The following TMEM86A variants were observed in gnomAD, a reference collection of about 807,000 sequenced individuals.
TMEM86A encodes the protein lysoplasmalogenase TMEM86A.
Under a neutral mutation model 19.8 loss-of-function variants are expected in TMEM86A, and 13 were observed. The observed-to-expected ratio is 0.66, with a 90% CI of 0.43 to 1.04. TMEM86A has a LOEUF of 1.04. TMEM86A is among the 50% of genes least tolerant of loss of function. The probability of loss-of-function intolerance (pLI) is 0.00; values close to 1 mark genes in which losing one functional copy is unlikely to be tolerated. For synonymous variants in TMEM86A, 128 were observed against 129.9 expected (o/e 0.99, Z 0.10); for missense variants, 248 against 306.8 (o/e 0.81, Z 1.43).
rs556084814 is a variant in TMEM86A at position 18,701,449 on chromosome 11, C to G, written c.287-124C>G. 1.7e-6 allele frequency: 2 copies of G among 1,190,552 alleles called. No homozygotes were observed. Among genetic ancestry groups the G allele is most frequent in the East Asian group, 4.8e-5 (2 of 42,090 alleles). 73.7% of individuals were successfully genotyped at this position (1,190,552 alleles called of 1,614,324 possible). On this transcript the variant is annotated intron_variant, in intron 2 of 2. Coordinates refer to ENST00000280734, the MANE Select transcript of TMEM86A (RefSeq NM_153347.3). This position sits in a 1 kb window ranked among gnomAD's most constrained non-coding sequence, Gnocchi z 5.3. The stretch of plus-strand genomic sequence containing the variant: ...TTAGATCTTCCTACCCCTGTTATCC[C>G]AAAGCAAAGCTGCTGGGTTATCCCA...
At chr11:18,700,794 C>G (rs1171193383) in intron 1 of TMEM86A, 139 bp from the exon 2 acceptor site, 24 of 1,255,140 alleles carry the variant, frequency 1.9e-5, no homozygotes, top group African/African-American at 6.0e-5. Flanking sequence ...CTGGGTTTCT[C>G]TGTGTCAGTC....
At chr11:18,700,902 C>T in intron 1 of TMEM86A, 31 bp from the exon 2 acceptor site, 10 of 1,608,834 alleles carry the variant, frequency 6.2e-6, no homozygotes, top group Non-Finnish European at 8.5e-6. Flanking sequence ...CCCCCAAGTT[C>T]TGAGTGCTGC....
rs905281100 is a variant in TMEM86A at position 18,702,248 on chromosome 11, A to G, written c.*239A>G. 3.6e-6 allele frequency: 2 copies of G among 561,304 alleles called. No homozygotes were observed. The highest frequency in any genetic ancestry group is 3.1e-5 in the Admixed American group (1 of 32,694). The allele number at this position is 561,304 out of a possible 1,614,324, so 34.8% of individuals were successfully genotyped here. A position where few individuals can be genotyped will look rare whatever the true frequency, so the allele number is the denominator to read the frequency against. On this transcript the variant is annotated 3_prime_UTR_variant, in exon 3 of 3. Transcript: ENST00000280734. ...TATCAGACTGGAGCCAGAAGTAGAC[A>G]TCTCCCCACCTCTACCCTATCAGGA...
In TMEM86A at chr11:18,698,879, C is replaced by A; in HGVS notation, c.-8C>A. On this transcript the variant is annotated 5_prime_UTR_variant, in exon 1 of 3. Coordinates refer to ENST00000280734, the MANE Select transcript of TMEM86A (RefSeq NM_153347.3). ...CGGAGCAGGGTGCCAGCCGCCGCCGCCGCCGCCATGGTGTCCCCGGTCACT... is the reference window on the plus strand; with the variant it reads ...CGGAGCAGGGTGCCAGCCGCCGCCGACGCCGCCATGGTGTCCCCGGTCACT... The A allele has an allele frequency of 1.5e-6, 1 of 678,788 alleles. No homozygotes were observed. Among genetic ancestry groups the A allele is most frequent in the Non-Finnish European group, 2.6e-6 (1 of 379,428 alleles). 42.0% of individuals were successfully genotyped at this position (678,788 alleles called of 1,614,324 possible). A position where few individuals can be genotyped will look rare whatever the true frequency, so the allele number is the denominator to read the frequency against.
chr11:18,702,143 G>A lies in TMEM86A; in HGVS notation c.*134G>A, dbSNP rs1414311853. On this transcript the variant is annotated 3_prime_UTR_variant, in exon 3 of 3. Transcript: ENST00000280734. ...TACTGCCTGAGGAATTTGCAAGTTC[G>A]TGTGGGGAGGCTGGAAAAGGATCTC... The A allele has an allele frequency of 1.8e-5, 16 of 872,244 alleles. No homozygotes were observed. In the Admixed American group the frequency reaches 2.4e-4, roughly 13 times the overall value. 54.0% of individuals were successfully genotyped at this position (872,244 alleles called of 1,614,324 possible). A position where few individuals can be genotyped will look rare whatever the true frequency, so the allele number is the denominator to read the frequency against.
Position 18,701,869 on chromosome 11 carries a change from C to G in TMEM86A, c.583C>G (p.Leu195Val). The change falls in exon 3 of 3, where the codon CTC (leucine) becomes GTC (valine). Residue 195 changes from leucine to valine, a missense_variant. Transcript: ENST00000280734. This position sits in a 1 kb window ranked among gnomAD's most constrained non-coding sequence, Gnocchi z 5.3. ...FFIISDLTIA[L>V]NKFCFPVPYS... ...TATCATCTCAGACCTGACCATCGCC[C>G]TCAACAAATTCTGTTTTCCTGTGCC... is the stretch of plus-strand genomic sequence containing the variant. The G allele has an allele frequency of 6.2e-7, 1 of 1,614,168 alleles. No homozygotes were observed. Among genetic ancestry groups the G allele is most frequent in the Non-Finnish European group, 8.5e-7 (1 of 1,180,040 alleles).
rs1848156796 is a variant in TMEM86A, at chr11:18,702,084, C to A, written c.*75C>A. Reference sequence around the variant, plus strand: ...TCCTGGGGACCTGCAGGAGCTGGATCAGGATGGCTGCAGTGCCAGCCTGGG... The same window carrying A: ...TCCTGGGGACCTGCAGGAGCTGGATAAGGATGGCTGCAGTGCCAGCCTGGG... On this transcript the variant is annotated 3_prime_UTR_variant, in exon 3 of 3. Transcript: ENST00000280734. 4.0e-6 allele frequency: 6 copies of A among 1,508,364 alleles called. No homozygotes were observed. The highest frequency in any genetic ancestry group is 5.4e-6 in the Non-Finnish European group (6 of 1,109,938). The allele number at this position is 1,508,364 out of a possible 1,614,324, so 93.4% of individuals were successfully genotyped here.
At position 18,699,284 on chromosome 11, in the gene TMEM86A, G is replaced by T. The variant is rs1402633776; in HGVS notation, c.21+377G>T. On this transcript the variant is annotated intron_variant, in intron 1 of 2. Coordinates refer to ENST00000280734, the MANE Select transcript of TMEM86A (RefSeq NM_153347.3). The surrounding 1 kb of genome is among the most constrained non-coding windows in gnomAD (Gnocchi z 4.0). ...GGGAGGCGTGGGGGCGGGGGATGCT[G>T]GGAGGATAACAGGGACCTCCTGGGA... is the stretch of plus-strand genomic sequence containing the variant. Among the ~76,000 whole-genome samples, 1 of 152,246 alleles carries T rather than the reference G, an allele frequency of 6.6e-6. No individual in the cohort carries two copies. The highest frequency in any genetic ancestry group is 6.5e-5 in the Admixed American group (1 of 15,294).
chr11:18,703,593 G>A lies in TMEM86A; in HGVS notation c.*1584G>A, dbSNP rs1848171244. On this transcript the variant is annotated 3_prime_UTR_variant, in exon 3 of 3. Coordinates refer to ENST00000280734, the MANE Select transcript of TMEM86A (RefSeq NM_153347.3). ...TTCATTCATTAGTTGTAAAGCCCTG[G>A]CAGAATAATACATCACTCTGCTCCA... 6.6e-6 allele frequency: 1 copy of A among 152,216 alleles called. No individual in the cohort carries two copies. The highest frequency in any genetic ancestry group is 2.4e-5 in the African/African-American group (1 of 41,452). 9.4% of individuals were successfully genotyped at this position (152,216 alleles called of 1,614,324 possible). A position where few individuals can be genotyped will look rare whatever the true frequency, so the allele number is the denominator to read the frequency against.
rs1051153977 is a variant in TMEM86A, at chr11:18,704,069, G to A, written c.*2060G>A. 2 of 203,980 alleles carry A rather than the reference G, an allele frequency of 9.8e-6. No homozygotes were observed. The highest frequency in any genetic ancestry group is 4.6e-5 in the African/African-American group (2 of 43,754). The allele number at this position is 203,980 out of a possible 1,614,324, so 12.6% of individuals were successfully genotyped here. Reference sequence around the variant, plus strand: ...ACCTACCTAGTGTGAAGAAATGGGAGGGAGCAGGATGGAGAGCAGGATGAA... The same window carrying A: ...ACCTACCTAGTGTGAAGAAATGGGAAGGAGCAGGATGGAGAGCAGGATGAA... On this transcript the variant is annotated 3_prime_UTR_variant, in exon 3 of 3. Coordinates refer to ENST00000280734, the MANE Select transcript of TMEM86A (RefSeq NM_153347.3).
At chr11:18,700,377 A>G (rs1848139034) in intron 1 of TMEM86A, among the ~76,000 whole-genome samples, 1 of 152,106 alleles carries the variant, frequency 6.6e-6, no homozygotes, top group African/African-American at 2.4e-5. Context: ...CCTTGATGCC[A>G]CCTTCAGGCT....
chr11:18,701,708 G>C lies in TMEM86A; in HGVS notation c.422G>C (p.Gly141Ala). The C allele has an allele frequency of 6.2e-7, 1 of 1,614,134 alleles. No homozygotes were observed. The highest frequency in any genetic ancestry group is 1.1e-5 in the South Asian group (1 of 91,072). Residue 141 changes from glycine to alanine, a missense_variant, in exon 3 of 3, where the codon GGT becomes GCT. By Grantham distance (60) the Gly-to-Ala change is moderately conservative. Transcript: ENST00000280734. The surrounding 1 kb of genome is among the most constrained non-coding windows in gnomAD (Gnocchi z 5.3). Reference protein sequence around the residue: ...CYALLYPCLSGAFTYLVGVYV... With the variant: ...CYALLYPCLSAAFTYLVGVYV... ...GCCCTCCTCTACCCATGCCTCTCAG[G>C]TGCCTTCACCTACCTGGTGGGGGTC...
rs762477511 is a variant in TMEM86A at position 18,701,739 on chromosome 11, G to A, written c.453G>A (p.Val151=). The change falls in exon 3 of 3, where the codon GTG becomes GTA. Residue 151 remains valine, a synonymous_variant. Coordinates refer to ENST00000280734, the MANE Select transcript of TMEM86A (RefSeq NM_153347.3). This position sits in a 1 kb window ranked among gnomAD's most constrained non-coding sequence, Gnocchi z 5.3. The stretch of plus-strand genomic sequence containing the variant: ...TCACCTACCTGGTGGGGGTCTATGT[G>A]GCCCTTATCGGCTTCATGGGCTGGC... ...GAFTYLVGVY[V]ALIGFMGWRA... The A allele has an allele frequency of 6.2e-6, 10 of 1,614,146 alleles. No individual in the cohort carries two copies. Among genetic ancestry groups the A allele is most frequent in the African/African-American group, 1.3e-5 (1 of 75,050 alleles).
rs1403768012 is a variant in TMEM86A, at chr11:18,701,901, TC to T, written c.616del (p.Arg206GlyfsTer31). On this transcript the variant is annotated frameshift_variant, in exon 3 of 3. Coordinates refer to ENST00000280734, the MANE Select transcript of TMEM86A (RefSeq NM_153347.3). LOFTEE classifies it high-confidence loss of function. The surrounding 1 kb of genome is among the most constrained non-coding windows in gnomAD (Gnocchi z 5.3). The stretch of plus-strand genomic sequence containing the variant: ...AATTCTGTTTTCCTGTGCCCTACTC[TC>T]GGGCGCTTATCATGTCCACCTACTA... ...NKFCFPVPYS[R>X]ALIMSTYYVA... The T allele has an allele frequency of 6.2e-7, 1 of 1,613,986 alleles. No homozygotes were observed. Among genetic ancestry groups the T allele is most frequent in the Non-Finnish European group, 8.5e-7 (1 of 1,180,048 alleles).
chr11:18,699,301 C>T lies in TMEM86A; in HGVS notation c.21+394C>T, dbSNP rs1397561735. On this transcript the variant is annotated intron_variant, in intron 1 of 2. Coordinates refer to ENST00000280734, the MANE Select transcript of TMEM86A (RefSeq NM_153347.3). This position sits in a 1 kb window ranked among gnomAD's most constrained non-coding sequence, Gnocchi z 4.0. Reference sequence around the variant, plus strand: ...GGGATGCTGGGAGGATAACAGGGACCTCCTGGGAATGCCGTCCCAAGTTTG... The same window carrying T: ...GGGATGCTGGGAGGATAACAGGGACTTCCTGGGAATGCCGTCCCAAGTTTG... 1.3e-5 allele frequency among the ~76,000 whole-genome samples: 2 copies of T among 152,218 alleles called. No individual in the cohort carries two copies. Among genetic ancestry groups the T allele is most frequent in the Admixed American group, 6.5e-5 (1 of 15,288 alleles).
At position 18,699,837 on chromosome 11, in the gene TMEM86A, CTG is replaced by C. The variant is rs1383952449; in HGVS notation, c.21+931_21+932del. Reference sequence around the variant, plus strand: ...CCTTAGGTACCTGGTCGTCTGGACTCTGAGTGTTTCCCAAGTCCTGTGCTGGG... The same window carrying C: ...CCTTAGGTACCTGGTCGTCTGGACTCAGTGTTTCCCAAGTCCTGTGCTGGG... On this transcript the variant is annotated intron_variant, in intron 1 of 2. Coordinates refer to ENST00000280734, the MANE Select transcript of TMEM86A (RefSeq NM_153347.3). This position sits in a 1 kb window ranked among gnomAD's most constrained non-coding sequence, Gnocchi z 4.0. 1.3e-5 allele frequency: 2 copies of C among 152,474 alleles called. No homozygotes were observed. Among genetic ancestry groups the C allele is most frequent in the Non-Finnish European group, 2.9e-5 (2 of 68,242 alleles). 9.4% of individuals were successfully genotyped at this position (152,474 alleles called of 1,614,324 possible).
intron 1 of TMEM86A, among the ~76,000 whole-genome samples, chr11:18,700,293 T>G (rs1848136570): frequency 1.3e-5 from 2 of 152,170 alleles, no homozygotes; most frequent in Admixed American, 6.5e-5. Context: ...CTTTGGTGTT[T>G]GAAGGACAAT....
In TMEM86A at chr11:18,702,182, G is replaced by A. The variant is rs970060008; in HGVS notation, c.*173G>A. On this transcript the variant is annotated 3_prime_UTR_variant, in exon 3 of 3. Transcript: ENST00000280734. The stretch of plus-strand genomic sequence containing the variant: ...GAAAAGGATCTCCCTAGCAGAACTC[G>A]TGGTTCAGGACAATGCTGAGAGCTA... 7.5e-6 allele frequency: 5 copies of A among 668,094 alleles called. No homozygotes were observed. The highest frequency in any genetic ancestry group is 3.8e-5 in the South Asian group (2 of 52,388). The allele number at this position is 668,094 out of a possible 1,614,324, so 41.4% of individuals were successfully genotyped here. A position where few individuals can be genotyped will look rare whatever the true frequency, so the allele number is the denominator to read the frequency against.
rs148997299 is a variant in TMEM86A at position 18,701,607 on chromosome 11, C to T, written c.321C>T (p.Tyr107=). 2.7e-4 allele frequency: 420 copies of T among 1,575,698 alleles called. No individual in the cohort carries two copies. The highest frequency in any genetic ancestry group is 3.4e-4 in the Non-Finnish European group (394 of 1,158,762). ...LLMFAVTHMF[Y]ASAFGMQPLA... The stretch of plus-strand genomic sequence containing the variant: ...TGTTTGCTGTGACCCACATGTTCTA[C>T]GCCTCGGCCTTTGGCATGCAGCCAC... The change falls in exon 3 of 3, where the codon TAC becomes TAT. Residue 107 remains tyrosine (Y), a synonymous_variant. Coordinates refer to ENST00000280734, the MANE Select transcript of TMEM86A (RefSeq NM_153347.3). The surrounding 1 kb of genome is among the most constrained non-coding windows in gnomAD (Gnocchi z 5.3).
Sources: allele counts gnomAD v4.1 joint callset (sites outside exome capture counted in the v4.1 genomes callset), GRCh38; gene constraint gnomAD v4.1.1; non-coding constraint Gnocchi (gnomAD v3.1); transcripts MANE v1.5; gene names NCBI Gene and HGNC (gene_info 2026-07-23, HGNC 2026-07-21).